ZBBX: variants seen among roughly 807,000 people sequenced by gnomAD.
The protein encoded by ZBBX is zinc finger B-box domain containing.
Under a neutral mutation model 108.5 loss-of-function variants are expected in ZBBX, and 101 were observed. The ratio of observed to expected loss-of-function variants is 0.93; its 90% CI spans 0.79 to 1.10. The LOEUF (loss-of-function observed/expected upper bound fraction) is 1.10. ZBBX is among the 50% of genes least tolerant of loss of function. The probability of loss-of-function intolerance (pLI) is 0.00; values close to 1 mark genes in which losing one functional copy is unlikely to be tolerated. For synonymous variants in ZBBX, 356 were observed against 323.4 expected, an observed-to-expected ratio of 1.10 and a Z score of -1.08; for missense variants, 1,009 against 941.4, an observed-to-expected ratio of 1.07 and a Z score of -0.94.
intron 11 of ZBBX, among the ~76,000 whole-genome samples, chr3:167,325,061 T>C (rs1417985408): frequency 6.6e-6 from 1 of 152,130 alleles, no homozygotes; most frequent in Non-Finnish European, 1.5e-5. Flanking sequence ...TACATCTACA[T>C]TGATAAAAAC....
intron 17 of ZBBX, among the ~76,000 whole-genome samples, chr3:167,304,617 A>G (rs1733297727): frequency 6.6e-6 from 1 of 152,198 alleles, no homozygotes; most frequent in African/African-American, 2.4e-5. Flanking sequence ...TCCAAGCAAG[A>G]AATACATATG....
intron 1 of ZBBX, among the ~76,000 whole-genome samples, chr3:167,397,160 A>AAAAAAAAAAAAAAAAAAAAC (rs1748265368): frequency 6.7e-6 from 1 of 149,932 alleles, no homozygotes; most frequent in African/African-American, 2.4e-5. Context: ...AAAAAAAAAA[A>AAAAAAAAAAAAAAAAAAAAC]AAAAAATCTG....
chr3:167,382,540 G>C (rs1747787222), upstream of ZBBX, among the ~76,000 whole-genome samples: 1 of 152,050 alleles, frequency 6.6e-6, no homozygotes, highest in African/African-American at 2.4e-5. Context: ...AATTTAAAGA[G>C]ATAAAAATTA....
At chr3:167,216,781 C>A in the ZBBX span, among the ~76,000 whole-genome samples, 1 of 152,036 alleles carries the variant, frequency 6.6e-6, no homozygotes, top group Non-Finnish European at 1.5e-5. Context: ...GGGATATAGA[C>A]CAACGGAACA....
intron 1 of ZBBX, chr3:167,401,560 C>T (rs1748425198): frequency 6.6e-6 from 1 of 152,158 alleles, no homozygotes; most frequent in Non-Finnish European, 1.5e-5. Flanking sequence ...TATGCCTCCC[C>T]TTTTTAGACC....
intron 20 of ZBBX, among the ~76,000 whole-genome samples, chr3:167,256,804 T>C (rs1320563694): frequency 1.3e-5 from 2 of 152,160 alleles, no homozygotes; most frequent in African/African-American, 4.8e-5. Flanking sequence ...TGACTGGATC[T>C]CATTCTCTTT....
Position 167,359,919 on chromosome 3 carries a change from T to C in ZBBX, c.383A>G (p.Lys128Arg). 6.3e-7 allele frequency: 1 copy of C among 1,582,780 alleles called. No individual in the cohort carries two copies. Among genetic ancestry groups the C allele is most frequent in the Non-Finnish European group, 8.6e-7 (1 of 1,162,554 alleles). ...MANSSECEKP[K>R]INGKVCGQCE... ...CTGTCCACATACTTTCCCATTTATC[T>C]TGGGTTTTTCACATTCTGAAGAATT... The change falls in exon 8 of 22, where the codon AAG becomes AGG. Residue 128 changes from lysine to arginine, a missense_variant. Transcript: ENST00000675490.
At chr3:167,314,944 G>C (rs1365396345) in intron 15 of ZBBX, among the ~76,000 whole-genome samples, 1 of 152,162 alleles carries the variant, frequency 6.6e-6, no homozygotes, top group Non-Finnish European at 1.5e-5. Context: ...CTGCTGAACA[G>C]AAAGTTGTCT....
At position 167,283,592 on chromosome 3, in the gene ZBBX, T is replaced by C. The variant is rs535188679; in HGVS notation, c.1997-1097A>G. Among the ~76,000 whole-genome samples, 301 of 152,282 alleles carry C rather than the reference T, an allele frequency of 2.0e-3. 1 individual carries two copies. The highest frequency in any genetic ancestry group is 7.0e-3 in the African/African-American group (290 of 41,564). ...AAAATATAAAATTCAAAAAAGTGAC[T>C]ACAGGCGGTAATCATGTATTAAATA... On this transcript the variant is annotated intron_variant, in intron 19 of 21. Coordinates refer to ENST00000675490, the MANE Select transcript of ZBBX (RefSeq NM_001199201.2).
At chr3:167,336,817 T>C (rs1451187348) in intron 9 of ZBBX, among the ~76,000 whole-genome samples, 2 of 152,216 alleles carry the variant, frequency 1.3e-5, no homozygotes, top group African/African-American at 4.8e-5. Context: ...GGGTTTAGTT[T>C]TGTTTGTTTC....
chr3:167,386,046 G>A (rs1747912995), intron 1 of ZBBX, among the ~76,000 whole-genome samples: 1 of 152,008 alleles, frequency 6.6e-6, no homozygotes, highest in African/African-American at 2.4e-5. Flanking sequence ...AACTGAACCA[G>A]TCAGATACTC....
At chr3:167,199,070 G>A in the ZBBX span, among the ~76,000 whole-genome samples, 1 of 152,170 alleles carries the variant, frequency 6.6e-6, no homozygotes, top group African/African-American at 2.4e-5. Context: ...TTGTTGGGTA[G>A]GTGATTTCAG....
At chr3:167,380,205 G>A (rs531088351) in intron 1 of ZBBX, 42 bp downstream of exon 1, 11 of 152,522 alleles carry the variant, frequency 7.2e-5, no homozygotes, top group African/African-American at 2.6e-4. Context: ...CGGACTCAGA[G>A]ACCATCCTCC....
At chr3:167,317,432 G>T in intron 13 of ZBBX, 56 bp downstream of exon 13, 1 of 1,292,194 alleles carries the variant, frequency 7.7e-7, no homozygotes, top group South Asian at 1.4e-5. Flanking sequence ...TTAATGCTTA[G>T]TGTATATAAC....
chr3:167,236,161 A>T (rs1384675450), downstream of ZBBX, among the ~76,000 whole-genome samples: 1 of 151,772 alleles, frequency 6.6e-6, no homozygotes, highest in Non-Finnish European at 1.5e-5. Context: ...AATAGAAGAA[A>T]GCTATAAACA....
chr3:167,280,777 T>C (rs900839175), intron 20 of ZBBX, among the ~76,000 whole-genome samples: 100 of 152,138 alleles, frequency 6.6e-4, no homozygotes, highest in Middle Eastern at 3.4e-3. Context: ...GGACTATAAA[T>C]CATGCTGCTA....
At chr3:167,261,762 C>T (rs537501698) in intron 20 of ZBBX, among the ~76,000 whole-genome samples, 13 of 138,536 alleles carry the variant, frequency 9.4e-5, no homozygotes, top group Admixed American at 5.3e-4. Context: ...CCAGGCTACC[C>T]GCCTCCCAAC....
In ZBBX at chr3:167,305,959, A is replaced by ATGT; in HGVS notation, c.1418-10_1418-9insACA. 1 of 1,502,684 alleles carries ATGT rather than the reference A, an allele frequency of 6.7e-7. No individual in the cohort carries two copies. The highest frequency in any genetic ancestry group is 8.9e-7 in the Non-Finnish European group (1 of 1,126,262). 93.1% of individuals were successfully genotyped at this position (1,502,684 alleles called of 1,614,324 possible). A position where few individuals can be genotyped will look rare whatever the true frequency, so the allele number is the denominator to read the frequency against. ...TGTGTTTGAAGTTTCTGCTGTTAAA[A>ATGT]ACACACAGTTACAAAAGGTACATAA... On this transcript the variant is annotated splice_polypyrimidine_tract_variant and intron_variant, in intron 16 of 21. Coordinates refer to ENST00000675490, the MANE Select transcript of ZBBX (RefSeq NM_001199201.2).
At position 167,313,968 on chromosome 3, in the gene ZBBX, T is replaced by C; in HGVS notation, c.1417+6A>G. The C allele has an allele frequency of 3.2e-6, 5 of 1,567,858 alleles. No individual in the cohort carries two copies. The highest frequency in any genetic ancestry group is 1.7e-4 in the Middle Eastern group (1 of 5,850). ...TAATAATATCCAGCAACAAGAAAAA[T>C]GTTACCTTTTGAATTATCTTTATAA... On this transcript the variant is annotated splice_donor_region_variant and intron_variant, in intron 16 of 21. Coordinates refer to ENST00000675490, the MANE Select transcript of ZBBX (RefSeq NM_001199201.2).
Sources: allele counts gnomAD v4.1 joint callset (sites outside exome capture counted in the v4.1 genomes callset), GRCh38; gene constraint gnomAD v4.1.1; transcripts MANE v1.5; gene names NCBI Gene and HGNC (gene_info 2026-07-23, HGNC 2026-07-21).